The following TIAM1 variants were observed in gnomAD, a reference collection of about 807,000 sequenced individuals.
TIAM1 encodes TIAM Rac1 associated GEF 1.
In TIAM1, 65 loss-of-function variants were observed where a neutral mutation model predicts 163.5. The ratio of observed to expected loss-of-function variants is 0.40; its 90% confidence interval spans 0.33 to 0.49. TIAM1 has a LOEUF of 0.49. Among genes scored for constraint, TIAM1 ranks in the 20% least tolerant of loss-of-function variants. The probability of loss-of-function intolerance (pLI) is 0.77; values close to 1 mark genes in which losing one functional copy is unlikely to be tolerated. For missense variants in TIAM1, 1,789 were observed against 2,044.7 expected, an observed-to-expected ratio of 0.87 and a Z score of 2.41; for synonymous variants, 833 against 810.1, an observed-to-expected ratio of 1.03 and a Z score of -0.48.
intron 1 of TIAM1, among the ~76,000 whole-genome samples, chr21:31,543,220 T>C (rs2048374902): frequency 6.6e-6 from 1 of 151,922 alleles, no homozygotes; most frequent in African/African-American, 2.4e-5. Context: ...AATGGGCCCA[T>C]AGGGAAGTTG....
At chr21:31,319,273 G>C (rs2075227389) in intron 2 of TIAM1, among the ~76,000 whole-genome samples, 1 of 152,172 alleles carries the variant, frequency 6.6e-6, no homozygotes, top group East Asian at 1.9e-4. Context: ...TGGTGTACAA[G>C]TGCATAGTTG....
At chr21:31,189,101 C>A (rs1197889318) in intron 13 of TIAM1, among the ~76,000 whole-genome samples, 1 of 111,296 alleles carries the variant, frequency 9.0e-6, no homozygotes, top group Admixed American at 1.4e-4. Flanking sequence ...GTTGTCTAGG[C>A]TGGAGTGGAG....
Position 31,120,752 on chromosome 21 carries a change from T to C in TIAM1, c.4392A>G (p.Ala1464=). The C allele has an allele frequency of 6.2e-7, 1 of 1,614,044 alleles. No homozygotes were observed. The highest frequency in any genetic ancestry group is 8.5e-7 in the Non-Finnish European group (1 of 1,180,026). Residue 1464 remains alanine, a synonymous_variant, in exon 28 of 28, where the codon GCA becomes GCG. Transcript: ENST00000541036. The surrounding 1 kb of genome is among the most constrained non-coding windows in gnomAD (Gnocchi z 4.2). The part of the protein sequence containing the change: ...RFTIDSDAVS[A]SSPEKESQQP... The stretch of plus-strand genomic sequence containing the variant: ...GCTGGGACTCTTTCTCCGGGCTGCT[T>C]GCGGAGACGGCATCAGAATCAATGG...
At chr21:31,260,591 A>G (rs1293562638) in intron 4 of TIAM1, among the ~76,000 whole-genome samples, 1 of 151,904 alleles carries the variant, frequency 6.6e-6, no homozygotes, top group Non-Finnish European at 1.5e-5. Flanking sequence ...CCAAAAACAG[A>G]TCTTGGCAAA....
At position 31,439,573 on chromosome 21, in the gene TIAM1, G is replaced by A. The variant is rs141156424; in HGVS notation, c.-369+24410C>T. On this transcript the variant is annotated intron_variant, in intron 2 of 28. Transcript: ENST00000286827. ...CCAAAGTGCTGGCATTACAGGCATG[G>A]GCCACCACACCCATACAGTATTGTA... Among the ~76,000 whole-genome samples, 1,266 of 152,176 alleles carry A rather than the reference G, an allele frequency of 8.3e-3. 22 individuals carry two copies. Among genetic ancestry groups the A allele is most frequent in the African/African-American group, 0.029 (1,191 of 41,530 alleles).
chr21:31,347,772 T>C (rs2076171743), upstream of TIAM1, among the ~76,000 whole-genome samples: 1 of 140,788 alleles, frequency 7.1e-6, no homozygotes, highest in Admixed American at 6.7e-5. Context: ...CTGACACCCT[T>C]ATGCACGAAC....
rs1013549909 is a variant in TIAM1, at chr21:31,395,661, C to A, written c.-368-56239G>T. Among the ~76,000 whole-genome samples the A allele has an allele frequency of 1.3e-5, 2 of 152,106 alleles. No homozygotes were observed. Among genetic ancestry groups the A allele is most frequent in the African/African-American group, 2.4e-5 (1 of 41,414 alleles). On this transcript the variant is annotated intron_variant, in intron 2 of 28. Transcript: ENST00000286827. This position sits in a 1 kb window ranked among gnomAD's most constrained non-coding sequence, Gnocchi z 7.5. Reference sequence around the variant, plus strand: ...CATGGGGGTAGTAAAAGGTGCTGGACGAGAGAATAAATATTGACTAAAACA... The same window carrying A: ...CATGGGGGTAGTAAAAGGTGCTGGAAGAGAGAATAAATATTGACTAAAACA...
Position 31,438,253 on chromosome 21 carries a change from A to G in TIAM1, c.-369+25730T>C, listed in dbSNP as rs1213462319. ...GTTGCCCAGACTGGAGTGCAGTGGC[A>G]TGATCTGGGCCCACCACAACCTCCA... On this transcript the variant is annotated intron_variant, in intron 2 of 28. Coordinates refer to the TIAM1 transcript ENST00000286827. Among the ~76,000 whole-genome samples the G allele has an allele frequency of 4.0e-5, 5 of 126,146 alleles. No individual in the cohort carries two copies. In the Admixed American group the frequency reaches 4.2e-4, roughly 11 times the overall value. 82.8% of individuals were successfully genotyped at this position (126,146 alleles called of 152,430 possible).
At chr21:31,408,729 C>A (rs2077291329) in intron 2 of TIAM1, among the ~76,000 whole-genome samples, 1 of 152,168 alleles carries the variant, frequency 6.6e-6, no homozygotes, top group African/African-American at 2.4e-5. Flanking sequence ...TAGATTAGTT[C>A]TATTTTGAGG....
intron 2 of TIAM1, among the ~76,000 whole-genome samples, chr21:31,444,661 G>T (rs1029228): frequency 0.82 from 124,605 of 152,078 alleles, 51,407 homozygotes; most frequent in East Asian, 0.92. Context: ...AGTCTGCCAT[G>T]AAATATTTGA....
At chr21:31,413,524 C>A (rs1196518122) in intron 2 of TIAM1, among the ~76,000 whole-genome samples, 1 of 152,058 alleles carries the variant, frequency 6.6e-6, no homozygotes, top group Non-Finnish European at 1.5e-5. Context: ...CCCGCCCCGG[C>A]CTCCCAAAGT....
intron 1 of TIAM1, among the ~76,000 whole-genome samples, chr21:31,474,587 C>G (rs1385495302): frequency 1.3e-5 from 2 of 151,220 alleles, no homozygotes; most frequent in Admixed American, 1.3e-4. Flanking sequence ...CTCTTGTTGC[C>G]CAGGCTGAAG....
intron 2 of TIAM1, among the ~76,000 whole-genome samples, chr21:31,446,399 GGCAGCAT>G (rs750901649): frequency 1.3e-4 from 20 of 152,190 alleles, no homozygotes; most frequent in Non-Finnish European, 2.5e-4. Flanking sequence ...ACAGGCAGCA[GGCAGCAT>G]GCATAATTCC....
intron 19 of TIAM1, 41 bp from the exon 20 acceptor site, chr21:31,147,044 C>G: frequency 6.4e-7 from 1 of 1,558,416 alleles, no homozygotes; most frequent in South Asian, 1.1e-5. Context: ...TGTTTCCTTC[C>G]TCCACTGGAA....
At chr21:31,401,853 G>C (rs1341175200) in intron 2 of TIAM1, among the ~76,000 whole-genome samples, 1 of 151,618 alleles carries the variant, frequency 6.6e-6, no homozygotes, top group African/African-American at 2.4e-5. Flanking sequence ...CGAGGTTGCA[G>C]TTAGCTAGAA....
At chr21:31,299,264 C>T (rs2074412333) in intron 2 of TIAM1, among the ~76,000 whole-genome samples, 1 of 152,092 alleles carries the variant, frequency 6.6e-6, no homozygotes, top group African/African-American at 2.4e-5. Flanking sequence ...AATAAATGCC[C>T]CTCCCCTATG....
At chr21:31,412,724 G>A (rs2043241770) in intron 2 of TIAM1, among the ~76,000 whole-genome samples, 1 of 149,300 alleles carries the variant, frequency 6.7e-6, no homozygotes. Context: ...AGAGGTTGCA[G>A]TGAGCTGGGA....
At chr21:31,506,048 A>G (rs1325178622) in intron 1 of TIAM1, among the ~76,000 whole-genome samples, 1 of 149,346 alleles carries the variant, frequency 6.7e-6, no homozygotes, top group Non-Finnish European at 1.5e-5. Flanking sequence ...TGCGCACAAC[A>G]GGAAACGACC....
At chr21:31,298,730 T>C (rs956163327) in intron 2 of TIAM1, among the ~76,000 whole-genome samples, 11 of 80,606 alleles carry the variant, frequency 1.4e-4, no homozygotes, top group African/African-American at 3.3e-4. Flanking sequence ...TCAGATCCAA[T>C]TGAGGGTGTG....
Sources: gnomAD v4.1 joint callset for allele counts (sites outside exome capture counted in the v4.1 genomes callset) on GRCh38, gnomAD v4.1.1 for gene constraint, Gnocchi (gnomAD v3.1) non-coding constraint, MANE v1.5 for transcripts, NCBI Gene and HGNC (gene_info 2026-07-23, HGNC 2026-07-21) for gene names.